PID1: variants seen among roughly 807,000 people sequenced by gnomAD.
The protein encoded by PID1 is phosphotyrosine interaction domain containing 1, also known as PTB-containing, cubilin and LRP1-interacting protein.
A neutral mutation model predicts 19.1 loss-of-function variants in PID1; 10 were observed. The ratio of observed to expected loss-of-function variants is 0.52; its 90% confidence interval spans 0.32 to 0.89. The LOEUF (loss-of-function observed/expected upper bound fraction) is 0.89. Among genes scored for constraint, PID1 ranks in the 40% least tolerant of loss-of-function variants. The probability of loss-of-function intolerance (pLI) is 0.03; values close to 1 mark genes in which losing one functional copy is unlikely to be tolerated. For synonymous variants in PID1, 130 were observed against 116.0 expected (o/e 1.12, Z -0.78); for missense variants, 248 against 285.3 (o/e 0.87, Z 0.94).
chr2:229,264,140 C>G (rs1407747752), intron 1 of PID1, among the ~76,000 whole-genome samples: 1 of 152,180 alleles, frequency 6.6e-6, no homozygotes. Flanking sequence ...TTTGAGAATA[C>G]TTGCCACGCT....
chr2:229,031,595 A>T (rs1180156143), intron 2 of PID1, among the ~76,000 whole-genome samples: 1 of 152,104 alleles, frequency 6.6e-6, no homozygotes, highest in Admixed American at 6.5e-5. Context: ...GAAAGAAAGG[A>T]AAAGAAAAGA....
intron 1 of PID1, among the ~76,000 whole-genome samples, chr2:229,268,018 T>A (rs545386265): frequency 1.3e-5 from 2 of 152,162 alleles, no homozygotes; most frequent in Non-Finnish European, 2.9e-5. Flanking sequence ...GTAAATTAAA[T>A]CTTCACATCC....
chr2:229,205,737 G>C (rs1446684793), intron 1 of PID1, among the ~76,000 whole-genome samples: 1 of 152,076 alleles, frequency 6.6e-6, no homozygotes, highest in East Asian at 1.9e-4. Flanking sequence ...GATGCAAAAG[G>C]CCTGGCAAGA....
At chr2:229,039,653 AC>A (rs1693728122) in intron 2 of PID1, among the ~76,000 whole-genome samples, 1 of 152,152 alleles carries the variant, frequency 6.6e-6, no homozygotes, top group Non-Finnish European at 1.5e-5. Flanking sequence ...TAAAATATCT[AC>A]TCGTAGTATC....
intron 2 of PID1, among the ~76,000 whole-genome samples, chr2:229,064,074 G>A (rs1694270771): frequency 6.6e-6 from 1 of 152,068 alleles, no homozygotes; most frequent in Admixed American, 6.6e-5. Flanking sequence ...AGAAATATGA[G>A]TGTGTAAGTC....
intron 2 of PID1, among the ~76,000 whole-genome samples, chr2:229,069,143 T>TTGTGTGTGTGTGTGTGTGTGTG (rs61118908): frequency 2.8e-5 from 4 of 140,628 alleles, no homozygotes; most frequent in African/African-American, 8.0e-5. Flanking sequence ...AGAAGGGTTT[T>TTGTGTGTGTGTGTGTGTGTGTG]TGTGTGTGTG....
chr2:229,069,145 G>T (rs200008046), intron 2 of PID1, among the ~76,000 whole-genome samples: 22 of 131,686 alleles, frequency 1.7e-4, no homozygotes, highest in African/African-American at 6.1e-4. Context: ...AAGGGTTTTT[G>T]TGTGTGTGTG....
chr2:229,153,767 T>C (rs1184253662), intron 2 of PID1, among the ~76,000 whole-genome samples: 11 of 152,184 alleles, frequency 7.2e-5, no homozygotes. Context: ...AATATCTACA[T>C]TAGATTGTTA....
At chr2:229,062,575 G>T (rs111782426) in intron 2 of PID1, among the ~76,000 whole-genome samples, 2 of 151,630 alleles carry the variant, frequency 1.3e-5, no homozygotes, top group Non-Finnish European at 3.0e-5. Flanking sequence ...TAGGTCTTGT[G>T]TGATTCTGGT....
chr2:229,120,093 A>C (rs898173402), intron 2 of PID1, among the ~76,000 whole-genome samples: 2 of 152,202 alleles, frequency 1.3e-5, no homozygotes, highest in Non-Finnish European at 2.9e-5. Context: ...CATGTGAGCC[A>C]ACATCTTATA....
At chr2:229,270,218 G>A (rs929118368) in intron 1 of PID1, among the ~76,000 whole-genome samples, 5 of 152,206 alleles carry the variant, frequency 3.3e-5, no homozygotes, top group Admixed American at 2.6e-4. Context: ...AGTAGCTGCC[G>A]TGACTCTTGA....
At chr2:229,232,333 G>A (rs1318717176) in intron 1 of PID1, among the ~76,000 whole-genome samples, 1 of 149,934 alleles carries the variant, frequency 6.7e-6, no homozygotes, top group African/African-American at 2.5e-5. Context: ...TCGGGAGGTT[G>A]AGGCAGGAGA....
At chr2:229,089,647 CAT>C (rs1694831714) in intron 2 of PID1, among the ~76,000 whole-genome samples, 3 of 152,120 alleles carry the variant, frequency 2.0e-5, no homozygotes, top group Non-Finnish European at 2.9e-5. Flanking sequence ...AGATGCTAAA[CAT>C]ATATGGAATA....
intron 2 of PID1, among the ~76,000 whole-genome samples, chr2:229,077,822 G>A (rs1476600209): frequency 6.6e-6 from 1 of 152,196 alleles, no homozygotes; most frequent in East Asian, 1.9e-4. Flanking sequence ...GTAGCATGAT[G>A]CCTCCAGCTT....
intron 2 of PID1, among the ~76,000 whole-genome samples, chr2:229,086,077 ATGAACATGG>A (rs1694758554): frequency 6.6e-6 from 1 of 152,146 alleles, no homozygotes; most frequent in Non-Finnish European, 1.5e-5. Context: ...CAAACTTGTA[ATGAACATGG>A]AAAGAGCAAT....
chr2:229,228,135 C>G (rs749252578), intron 1 of PID1: 3 of 443,618 alleles, frequency 6.8e-6, no homozygotes, highest in East Asian at 7.1e-5. Flanking sequence ...GATAAAGAAC[C>G]TGCAATTTTG....
At chr2:229,216,736 G>A (rs1005970720) in intron 1 of PID1, among the ~76,000 whole-genome samples, 12 of 152,130 alleles carry the variant, frequency 7.9e-5, no homozygotes, top group South Asian at 2.1e-4. Flanking sequence ...AACCAAGAAC[G>A]TGGTATGCCA....
At chr2:229,167,793 T>C (rs564868296) in intron 1 of PID1, among the ~76,000 whole-genome samples, 1 of 152,328 alleles carries the variant, frequency 6.6e-6, no homozygotes, top group Non-Finnish European at 1.5e-5. Context: ...TTGAAAATTA[T>C]ACTATTTTGT....
At chr2:229,192,704 G>T (rs970534647) in intron 1 of PID1, among the ~76,000 whole-genome samples, 3 of 152,162 alleles carry the variant, frequency 2.0e-5, no homozygotes, top group African/African-American at 7.2e-5. Context: ...AATTTACAAG[G>T]ATGATGTGGT....
Sources: allele counts gnomAD v4.1 joint callset (sites outside exome capture counted in the v4.1 genomes callset), GRCh38; gene constraint gnomAD v4.1.1; transcripts MANE v1.5; gene names NCBI Gene and HGNC (gene_info 2026-07-23, HGNC 2026-07-21).